IQGAP2: variants seen among roughly 807,000 people sequenced by gnomAD.
The protein encoded by IQGAP2 is ras GTPase-activating-like protein IQGAP2.
In IQGAP2, 173 loss-of-function variants were observed where a neutral mutation model predicts 201.3. The ratio of observed to expected loss-of-function variants is 0.86; its 90% confidence interval spans 0.76 to 0.98. The LOEUF (loss-of-function observed/expected upper bound fraction) is 0.98. IQGAP2 is among the 50% of genes least tolerant of loss of function. The pLI, the probability that IQGAP2 is intolerant of heterozygous loss-of-function variation, is 0.00. For missense variants in IQGAP2, 1,687 were observed against 1,864.8 expected (o/e 0.90, Z 1.76); for synonymous variants, 675 against 673.9 (o/e 1.00, Z -0.03).
chr5:76,439,654 T>C (rs1752919411), intron 1 of IQGAP2, among the ~76,000 whole-genome samples: 1 of 152,176 alleles, frequency 6.6e-6, no homozygotes, highest in African/African-American at 2.4e-5. Flanking sequence ...TTTTTTCTGA[T>C]ATAAGAATAG....
chr5:76,655,665 T>C (rs1156639700), intron 20 of IQGAP2, among the ~76,000 whole-genome samples: 1 of 152,176 alleles, frequency 6.6e-6, no homozygotes, highest in African/African-American at 2.4e-5. Flanking sequence ...GCCAGGCTGG[T>C]CTTGAACCCC....
chr5:76,437,499 A>G (rs553705069), intron 1 of IQGAP2, among the ~76,000 whole-genome samples: 83 of 152,316 alleles, frequency 5.4e-4, no homozygotes, highest in African/African-American at 2.0e-3. Context: ...CCCCAAAGGC[A>G]TTAGCTATTT....
chr5:76,537,500 T>G (rs1244104485), intron 2 of IQGAP2, among the ~76,000 whole-genome samples: 1 of 152,156 alleles, frequency 6.6e-6, no homozygotes, highest in Non-Finnish European at 1.5e-5. Context: ...TTTTTTTTTT[T>G]TTCAATAGTG....
At position 76,454,684 on chromosome 5, in the gene IQGAP2, G is replaced by A. The variant is rs1228236401; in HGVS notation, c.47-6886G>A. Among the ~76,000 whole-genome samples, 137 of 139,992 alleles carry A rather than the reference G, an allele frequency of 9.8e-4. 1 individual carries two copies. The highest frequency in any genetic ancestry group is 1.3e-3 in the Non-Finnish European group (80 of 63,846). 91.8% of individuals were successfully genotyped at this position (139,992 alleles called of 152,430 possible). The stretch of plus-strand genomic sequence containing the variant: ...ATATGTGCCACATTTTCTTAATCCA[G>A]TCTATCATTGTTGGACATTTGGGTT... On this transcript the variant is annotated intron_variant, in intron 1 of 35. Coordinates refer to ENST00000274364, the MANE Select transcript of IQGAP2 (RefSeq NM_006633.5).
chr5:76,569,723 A>G (rs781434217), intron 3 of IQGAP2, among the ~76,000 whole-genome samples: 3 of 152,242 alleles, frequency 2.0e-5, no homozygotes, highest in Non-Finnish European at 4.4e-5. Context: ...AAAACTTGCT[A>G]TAGTTATTGT....
chr5:76,620,464 T>A (rs1013354550), intron 13 of IQGAP2, among the ~76,000 whole-genome samples: 2 of 152,102 alleles, frequency 1.3e-5, no homozygotes, highest in Non-Finnish European at 2.9e-5. Flanking sequence ...TGCCATTAAC[T>A]GAGTTGGAGG....
chr5:76,486,826 TATAAGTA>T (rs1265040038), intron 2 of IQGAP2, among the ~76,000 whole-genome samples: 1 of 152,208 alleles, frequency 6.6e-6, no homozygotes, highest in Non-Finnish European at 1.5e-5. Flanking sequence ...CAAGCTCAGT[TATAAGTA>T]ATAAGTGAAC....
chr5:76,470,687 A>G lies in IQGAP2; in HGVS notation c.146+9018A>G, dbSNP rs937959876. Among the ~76,000 whole-genome samples, 8 of 152,264 alleles carry G rather than the reference A, an allele frequency of 5.3e-5. No homozygotes were observed. In the East Asian group the frequency reaches 1.5e-3, roughly 29 times the overall value. On this transcript the variant is annotated intron_variant, in intron 2 of 35. Coordinates refer to ENST00000274364, the MANE Select transcript of IQGAP2 (RefSeq NM_006633.5). The stretch of plus-strand genomic sequence containing the variant: ...CAGCCTCCCAAGTAGCTGAGGCTAC[A>G]GTTGCTTGCTACCATGCCTGGCAAC...
At chr5:76,499,375 T>G (rs1468655785) in intron 2 of IQGAP2, among the ~76,000 whole-genome samples, 4 of 152,214 alleles carry the variant, frequency 2.6e-5, no homozygotes, top group Non-Finnish European at 4.4e-5. Flanking sequence ...AGATTTATTC[T>G]TAAGCAATAT....
intron 22 of IQGAP2, among the ~76,000 whole-genome samples, chr5:76,668,236 C>T (rs1031815249): frequency 3.3e-5 from 5 of 152,004 alleles, no homozygotes; most frequent in Admixed American, 2.6e-4. Flanking sequence ...CTGTTTTCTG[C>T]GTCTCTACAA....
chr5:76,500,580 G>A (rs1468378763), intron 2 of IQGAP2, among the ~76,000 whole-genome samples: 5 of 152,094 alleles, frequency 3.3e-5, no homozygotes, highest in South Asian at 4.1e-4. Context: ...CTAAATATAC[G>A]GGTACCACTT....
intron 2 of IQGAP2, among the ~76,000 whole-genome samples, chr5:76,487,102 C>CT (rs11322216): frequency 0.34 from 47,823 of 141,218 alleles, 8,570 homozygotes; most frequent in Non-Finnish European, 0.42. Flanking sequence ...TTCTTTCTTT[C>CT]TTTTTTTTTT....
intron 7 of IQGAP2, 64 bp from the exon 8 acceptor site, chr5:76,590,344 T>A: frequency 7.6e-7 from 1 of 1,323,214 alleles, no homozygotes; most frequent in Non-Finnish European, 1.0e-6. Flanking sequence ...ACAGGGTCAA[T>A]GCAACTGTCC....
intron 17 of IQGAP2, among the ~76,000 whole-genome samples, chr5:76,644,662 C>T (rs1013390156): frequency 1.3e-5 from 2 of 151,994 alleles, no homozygotes; most frequent in African/African-American, 4.8e-5. Context: ...CCCATATTTG[C>T]TTATAATAAA....
intron 15 of IQGAP2, among the ~76,000 whole-genome samples, chr5:76,633,852 TAGTC>T (rs1184979440): frequency 6.6e-6 from 1 of 152,170 alleles, no homozygotes; most frequent in East Asian, 1.9e-4. Context: ...CATGTAGCAT[TAGTC>T]AGTTCGTCCT....
chr5:76,494,074 GTGT>G (rs1756730512), intron 2 of IQGAP2, among the ~76,000 whole-genome samples: 1 of 152,154 alleles, frequency 6.6e-6, no homozygotes, highest in Non-Finnish European at 1.5e-5. Context: ...TTGTTCTACT[GTGT>G]TGTTCTTTAA....
intron 1 of IQGAP2, among the ~76,000 whole-genome samples, chr5:76,420,701 T>G (rs1200270379): frequency 1.3e-5 from 2 of 152,138 alleles, no homozygotes; most frequent in Non-Finnish European, 2.9e-5. Context: ...CTTCCCAAAC[T>G]GAAACTCCAT....
intron 2 of IQGAP2, among the ~76,000 whole-genome samples, chr5:76,562,156 T>C (rs1467835373): frequency 1.3e-5 from 2 of 152,204 alleles, no homozygotes; most frequent in African/African-American, 2.4e-5. Flanking sequence ...AAAGGTGAAG[T>C]TGACGAGCTC....
Position 76,676,077 on chromosome 5 carries a change from TCACACACACACACACACACACA to T in IQGAP2, c.3528-1116_3528-1095del, listed in dbSNP as rs34099080. 6.8e-3 allele frequency among the ~76,000 whole-genome samples: 922 copies of T among 135,666 alleles called. 13 individuals are homozygous for T. Among genetic ancestry groups the T allele is most frequent in the African/African-American group, 0.024 (854 of 35,572 alleles). The allele number at this position is 135,666 out of a possible 152,430, so 89.0% of individuals were successfully genotyped here. A position where few individuals can be genotyped will look rare whatever the true frequency, so the allele number is the denominator to read the frequency against. On this transcript the variant is annotated intron_variant, in intron 27 of 35. Coordinates refer to ENST00000274364, the MANE Select transcript of IQGAP2 (RefSeq NM_006633.5). ...GCCCAGGTGACAGGGTAAGACTCTG[TCACACACACACACACACACACA>T]CACACACACACACACACACACACAA...
Sources: allele counts gnomAD v4.1 joint callset (sites outside exome capture counted in the v4.1 genomes callset), GRCh38; gene constraint gnomAD v4.1.1; transcripts MANE v1.5; gene names NCBI Gene and HGNC (gene_info 2026-07-23, HGNC 2026-07-21).